The following GFRA1 variants were observed in gnomAD, a reference collection of about 807,000 sequenced individuals.
GFRA1 encodes GDNF family receptor alpha-1.
Under a neutral mutation model 51.6 loss-of-function variants are expected in GFRA1, and 16 were observed. The observed-to-expected ratio is 0.31, with a 90% CI of 0.21 to 0.47. The LOEUF is 0.47. GFRA1 is among the 20% of genes least tolerant of loss of function. The probability of loss-of-function intolerance (pLI) is 1.00; values close to 1 mark genes in which losing one functional copy is unlikely to be tolerated. For missense variants in GFRA1, 530 were observed against 594.3 expected, an observed-to-expected ratio of 0.89 and a Z score of 1.13; for synonymous variants, 270 against 241.3, an observed-to-expected ratio of 1.12 and a Z score of -1.10.
chr10:116,143,060 T>G (rs1008265071), intron 5 of GFRA1, among the ~76,000 whole-genome samples: 1 of 152,196 alleles, frequency 6.6e-6, no homozygotes, highest in Non-Finnish European at 1.5e-5. Context: ...TTTTGGGAGC[T>G]TTAATTGCTG....
chr10:116,253,253 C>A (rs553835444), intron 4 of GFRA1, among the ~76,000 whole-genome samples: 1 of 152,206 alleles, frequency 6.6e-6, no homozygotes, highest in Non-Finnish European at 1.5e-5. Flanking sequence ...AAGCACAGAG[C>A]GCCAGGATAC....
intron 7 of GFRA1, among the ~76,000 whole-genome samples, chr10:116,095,702 A>T (rs1017865354): frequency 7.9e-5 from 12 of 152,168 alleles, no homozygotes; most frequent in Non-Finnish European, 1.6e-4. Context: ...CCTGCTGAAG[A>T]TGCTCTGGTG....
Position 116,179,410 on chromosome 10 carries a change from G to A in GFRA1, c.433+32221C>T, listed in dbSNP as rs948645820. ...ACTACACAAATAAGTTTTCTGACCA[G>A]TGTGCCAGAATTTATGCTGCAGAGT... On this transcript the variant is annotated intron_variant, in intron 5 of 10. Transcript: ENST00000355422. Among the ~76,000 whole-genome samples, 8 of 152,190 alleles carry A rather than the reference G, an allele frequency of 5.3e-5. No homozygotes were observed. In the East Asian group the frequency reaches 7.7e-4, roughly 15 times the overall value.
intron 5 of GFRA1, among the ~76,000 whole-genome samples, chr10:116,180,207 G>A (rs7915221): frequency 0.55 from 84,342 of 152,036 alleles, 23,584 homozygotes; most frequent in Middle Eastern, 0.67. Flanking sequence ...GGTATTTCCA[G>A]AGGAAAATTC....
Position 116,093,772 on chromosome 10 carries a change from G to A in GFRA1, c.945C>T (p.Cys315=). The A allele has an allele frequency of 1.9e-6, 3 of 1,613,162 alleles. No homozygotes were observed. Among genetic ancestry groups the A allele is most frequent in the Middle Eastern group, 3.3e-4 (2 of 6,060 alleles). The change falls in exon 8 of 11, where the codon TGC becomes TGT. Residue 315 remains cysteine, a synonymous_variant. Transcript: ENST00000355422. Reference sequence around the variant, plus strand: ...CTTCTAGGTCGTTCCCACTGTTGCTGCAGTCACACCATGGGGCCACACTGA... The same window carrying A: ...CTTCTAGGTCGTTCCCACTGTTGCTACAGTCACACCATGGGGCCACACTGA... ...SSLSVAPWCD[C]SNSGNDLEEC...
chr10:116,085,756 A>G (rs1956075560), intron 9 of GFRA1, among the ~76,000 whole-genome samples: 1 of 152,206 alleles, frequency 6.6e-6, no homozygotes, highest in African/African-American at 2.4e-5. Flanking sequence ...CTAGAAAATC[A>G]GCAAGCTGCA....
At chr10:116,079,698 T>C (rs1324845807) in intron 9 of GFRA1, among the ~76,000 whole-genome samples, 1 of 152,106 alleles carries the variant, frequency 6.6e-6, no homozygotes, top group Non-Finnish European at 1.5e-5. Flanking sequence ...GTAACAATTT[T>C]GCAGACCAAA....
At chr10:116,222,357 C>A (rs1965983109) in intron 4 of GFRA1, among the ~76,000 whole-genome samples, 1 of 152,104 alleles carries the variant, frequency 6.6e-6, no homozygotes, top group South Asian at 2.1e-4. Context: ...CGCCACCACA[C>A]CTGGCTAATT....
intron 5 of GFRA1, among the ~76,000 whole-genome samples, chr10:116,149,792 G>C (rs906488365): frequency 6.6e-6 from 1 of 152,104 alleles, no homozygotes; most frequent in African/African-American, 2.4e-5. Flanking sequence ...GGCTGGGTAG[G>C]ATATGAGTGT....
intron 4 of GFRA1, among the ~76,000 whole-genome samples, chr10:116,250,282 C>T (rs542158004): frequency 1.7e-4 from 26 of 152,278 alleles, no homozygotes; most frequent in African/African-American, 6.0e-4. Flanking sequence ...GCCTGTCCTA[C>T]GTGGACACTA....
chr10:116,196,550 T>A (rs1963778915), intron 5 of GFRA1, among the ~76,000 whole-genome samples: 2 of 111,076 alleles, frequency 1.8e-5, no homozygotes, highest in African/African-American at 6.7e-5. Context: ...TATATATATT[T>A]TTATATATAC....
chr10:116,269,659 G>T, intron 3 of GFRA1, 73 bp from the exon 4 acceptor site: 3 of 862,824 alleles, frequency 3.5e-6, no homozygotes, highest in Non-Finnish European at 6.0e-6. Flanking sequence ...TGCTGAATCT[G>T]AATTCTAATT....
intron 6 of GFRA1, among the ~76,000 whole-genome samples, chr10:116,124,497 C>CGT (rs1957772965): frequency 6.6e-6 from 1 of 151,200 alleles, no homozygotes; most frequent in Non-Finnish European, 1.5e-5. Flanking sequence ...TCCCAAAATG[C>CGT]TGAGATTTCA....
In GFRA1 at chr10:116,194,054, ATAAAT is replaced by A. The variant is rs1565641224; in HGVS notation, c.433+17572_433+17576del. On this transcript the variant is annotated intron_variant, in intron 5 of 10. Transcript: ENST00000355422. ...ACTCCGTCTCAATAAAAAAAAATAA[ATAAAT>A]AAAATTTAAAAAAAAAAAAAAAAGG... 2.8e-3 allele frequency among the ~76,000 whole-genome samples: 215 copies of A among 76,946 alleles called. 5 individuals carry two copies. Among genetic ancestry groups the A allele is most frequent in the African/African-American group, 1.0e-2 (205 of 20,528 alleles). The allele number at this position is 76,946 out of a possible 152,430, so 50.5% of individuals were successfully genotyped here. A position where few individuals can be genotyped will look rare whatever the true frequency, so the allele number is the denominator to read the frequency against.
intron 6 of GFRA1, among the ~76,000 whole-genome samples, chr10:116,121,218 C>A (rs1031409508): frequency 1.3e-5 from 2 of 152,188 alleles, no homozygotes; most frequent in South Asian, 2.1e-4. Flanking sequence ...TGCTTCCATT[C>A]GGCCCAAACC....
At chr10:116,174,378 T>C (rs1384103629) in intron 5 of GFRA1, among the ~76,000 whole-genome samples, 3 of 152,248 alleles carry the variant, frequency 2.0e-5, no homozygotes, top group Non-Finnish European at 4.4e-5. Context: ...TTTCCCTGCA[T>C]TCTTCTCTTT....
At chr10:116,258,811 T>A (rs1303025454) in intron 4 of GFRA1, among the ~76,000 whole-genome samples, 1 of 152,178 alleles carries the variant, frequency 6.6e-6, no homozygotes, top group Non-Finnish European at 1.5e-5. Context: ...AGTTATGACA[T>A]ATAAAACACC....
chr10:116,248,195 C>CAAA (rs1262933694), intron 4 of GFRA1, among the ~76,000 whole-genome samples: 1 of 152,130 alleles, frequency 6.6e-6, no homozygotes, highest in Non-Finnish European at 1.5e-5. Context: ...GTGGCAAGGG[C>CAAA]AAAAGGTAAG....
chr10:116,255,600 C>G, intron 4 of GFRA1: 1 of 1,288,860 alleles, frequency 7.8e-7, no homozygotes, highest in Non-Finnish European at 1.0e-6. Context: ...GCTGGGTACA[C>G]GCCCTTTCCT....
Sources: gnomAD v4.1 joint callset for allele counts (sites outside exome capture counted in the v4.1 genomes callset) on GRCh38, gnomAD v4.1.1 for gene constraint, MANE v1.5 for transcripts, NCBI Gene and HGNC (gene_info 2026-07-23, HGNC 2026-07-21) for gene names.